The following EXD3 variants were observed in gnomAD, a reference collection of about 807,000 sequenced individuals.
EXD3 encodes exonuclease mut-7 homolog.
A neutral mutation model predicts 98.0 loss-of-function variants in EXD3; 92 were observed. The ratio of observed to expected loss-of-function variants is 0.94; its 90% CI spans 0.79 to 1.12. EXD3 has a LOEUF of 1.12. EXD3 is among the 50% of genes most tolerant of loss of function. The pLI is 0.00. For missense variants in EXD3, 1,222 were observed against 1,191.6 expected (o/e 1.03, Z -0.38); for synonymous variants, 569 against 526.0 (o/e 1.08, Z -1.12).
chr9:137,313,948 C>G (rs1831497609), intron 19 of EXD3, among the ~76,000 whole-genome samples: 1 of 152,192 alleles, frequency 6.6e-6, no homozygotes, highest in Admixed American at 6.5e-5. Flanking sequence ...GTGCGGAGAT[C>G]CTCACATCGG....
chr9:137,413,858 ATCTT>A (rs927572159), intron 1 of EXD3, among the ~76,000 whole-genome samples: 14 of 150,520 alleles, frequency 9.3e-5, no homozygotes, highest in African/African-American at 3.4e-4. Context: ...GTCTCTGTGA[ATCTT>A]TCTATTTTGG....
At chr9:137,398,844 A>G (rs111315424) in intron 1 of EXD3, among the ~76,000 whole-genome samples, 100 of 53,454 alleles carry the variant, frequency 1.9e-3, no homozygotes, top group Admixed American at 4.2e-3. Flanking sequence ...GTGCACCCGC[A>G]TCCCCAAGAC....
intron 3 of EXD3, among the ~76,000 whole-genome samples, chr9:137,376,148 G>A (rs572254389): frequency 6.6e-6 from 1 of 151,676 alleles, no homozygotes; most frequent in Non-Finnish European, 1.5e-5. Flanking sequence ...ATAGAGACCA[G>A]CCTGGCTAAC....
chr9:137,331,921 A>G (rs1020179182), intron 17 of EXD3, among the ~76,000 whole-genome samples: 1 of 152,170 alleles, frequency 6.6e-6, no homozygotes, highest in African/African-American at 2.4e-5. Context: ...GTCTCAAAAA[A>G]TAAAAATAAA....
At chr9:137,354,279 T>C in intron 10 of EXD3, 60 bp downstream of exon 10, 1 of 1,596,154 alleles carries the variant, frequency 6.3e-7, no homozygotes, top group Non-Finnish European at 8.5e-7. Flanking sequence ...TCCGGGCCTG[T>C]GCCCCTAGGA....
intron 1 of EXD3, among the ~76,000 whole-genome samples, chr9:137,421,026 G>A (rs1838489648): frequency 6.6e-6 from 1 of 152,126 alleles, no homozygotes; most frequent in Non-Finnish European, 1.5e-5. Flanking sequence ...ATGTTGCCCA[G>A]GTTGGTCTCA....
intron 3 of EXD3, chr9:137,381,049 G>C (rs1004088097): frequency 6.6e-6 from 1 of 151,610 alleles, no homozygotes; most frequent in South Asian, 2.1e-4. Flanking sequence ...ACAGTGAGTC[G>C]AGATCATGCC....
intron 17 of EXD3, among the ~76,000 whole-genome samples, chr9:137,330,272 C>A (rs1207907971): frequency 7.5e-6 from 1 of 133,042 alleles, no homozygotes; most frequent in Middle Eastern, 5.6e-3. Context: ...AGGAGCTACA[C>A]AGGAACTACA....
At chr9:137,337,398 A>ATTAT (rs1307661509) in intron 17 of EXD3, among the ~76,000 whole-genome samples, 1 of 152,148 alleles carries the variant, frequency 6.6e-6, no homozygotes, top group Non-Finnish European at 1.5e-5. Flanking sequence ...CACACCTATA[A>ATTAT]TCCCAGCAGT....
chr9:137,416,577 C>T (rs1488744362), intron 1 of EXD3, among the ~76,000 whole-genome samples: 1 of 151,992 alleles, frequency 6.6e-6, no homozygotes, highest in Non-Finnish European at 1.5e-5. Flanking sequence ...CCGGCTGCTG[C>T]TTCCCAAAGG....
chr9:137,412,576 G>A (rs559215941), intron 1 of EXD3, among the ~76,000 whole-genome samples: 1 of 152,214 alleles, frequency 6.6e-6, no homozygotes, highest in African/African-American at 2.4e-5. Flanking sequence ...ACATGGGACA[G>A]GGTGGATACC....
At chr9:137,319,021 GAAAATGGAAAGTCAGCCC>G (rs886195289) in intron 19 of EXD3, among the ~76,000 whole-genome samples, 1 of 152,264 alleles carries the variant, frequency 6.6e-6, no homozygotes, top group African/African-American at 2.4e-5. Context: ...GAAGGAAGAA[GAAAATGGAAAGTCAGCCC>G]GGCGGCAGGC....
chr9:137,318,930 A>AC (rs1235493037), intron 19 of EXD3, among the ~76,000 whole-genome samples: 1 of 152,188 alleles, frequency 6.6e-6, no homozygotes, highest in Non-Finnish European at 1.5e-5. Flanking sequence ...CCACCGTACC[A>AC]CCCAGAGAGC....
intron 19 of EXD3, among the ~76,000 whole-genome samples, chr9:137,317,989 G>C (rs1437026621): frequency 6.6e-6 from 1 of 152,078 alleles, no homozygotes; most frequent in African/African-American, 2.4e-5. Context: ...GGAGGGGTGG[G>C]GTCTGTGGCC....
rs1834104740 is a variant in EXD3, at chr9:137,349,030, C to G, written c.1830+80G>C. The G allele has an allele frequency of 3.4e-6, 5 of 1,465,186 alleles. No individual in the cohort carries two copies. The South Asian group carries it at 6.9e-5, about 20-fold the overall frequency. The allele number at this position is 1,465,186 out of a possible 1,614,324, so 90.8% of individuals were successfully genotyped here. A position where few individuals can be genotyped will look rare whatever the true frequency, so the allele number is the denominator to read the frequency against. ...ACGCTCTGACCCAGTGGCCTTGTCT[C>G]CATGCAGGTCCTTGGTTTATGGACA... On this transcript the variant is annotated intron_variant, in intron 16 of 21. Transcript: ENST00000340951. This position sits in a 1 kb window ranked among gnomAD's most constrained non-coding sequence, Gnocchi z 7.4.
rs764009655 is a variant in EXD3 at position 137,383,326 on chromosome 9, C to A, written c.107G>T (p.Arg36Leu). 1 of 1,550,150 alleles carries A rather than the reference C, an allele frequency of 6.5e-7. No individual in the cohort carries two copies. The highest frequency in any genetic ancestry group is 8.7e-7 in the Non-Finnish European group (1 of 1,146,730). The change falls in exon 3 of 22, where the codon CGG becomes CTG. Residue 36 changes from arginine to leucine, a missense_variant. Physicochemically the swap from Arg to Leu is moderately radical, Grantham distance 102 (BLOSUM62 -2). Transcript: ENST00000340951. ...ACGTCCACTCACCTGCTTCCGCTCC[C>A]GCGTGGACCACAGGGTCTGCAGGGC... Reference protein sequence around the residue: ...LQALQTLWSTRERKQLREEAW... With the variant: ...LQALQTLWSTLERKQLREEAW...
chr9:137,354,661 G>T, intron 9 of EXD3, 39 bp downstream of exon 9: 6 of 1,607,358 alleles, frequency 3.7e-6, no homozygotes, highest in Non-Finnish European at 1.7e-6. Flanking sequence ...GGCTCAGGCC[G>T]CGGCTGGCTG....
intron 19 of EXD3, among the ~76,000 whole-genome samples, chr9:137,321,135 G>T (rs1427895839): frequency 6.6e-6 from 1 of 152,258 alleles, no homozygotes; most frequent in Admixed American, 6.5e-5. Context: ...GATCCGAGCC[G>T]AGCCGGAGCT....
At chr9:137,401,191 T>C (rs1358009457) in intron 1 of EXD3, among the ~76,000 whole-genome samples, 1 of 147,568 alleles carries the variant, frequency 6.8e-6, no homozygotes, top group Non-Finnish European at 1.5e-5. Flanking sequence ...TCTCACTCTG[T>C]TGCCCAGGCT....
Sources: gnomAD v4.1 joint callset for allele counts (sites outside exome capture counted in the v4.1 genomes callset) on GRCh38, gnomAD v4.1.1 for gene constraint, Gnocchi (gnomAD v3.1) non-coding constraint, MANE v1.5 for transcripts, NCBI Gene and HGNC (gene_info 2026-07-23, HGNC 2026-07-21) for gene names.